The following MTMR10 variants were observed in gnomAD, a reference collection of about 807,000 sequenced individuals.
MTMR10 encodes myotubularin-related protein 10.
MTMR10 carries 56 observed loss-of-function variants against 88.1 expected under a neutral mutation model. That is an observed-to-expected ratio of 0.64 (90% confidence interval 0.51 to 0.79). The LOEUF (loss-of-function observed/expected upper bound fraction) is 0.79, where lower values mean the gene tolerates loss of function less well. MTMR10 is among the 30% of genes least tolerant of loss of function. MTMR10 has a pLI of 0.00. For synonymous variants in MTMR10, 380 were observed against 340.9 expected (o/e 1.11, Z -1.26); for missense variants, 883 against 924.7 (o/e 0.95, Z 0.58).
chr15:30,938,900 A>G (rs894770897), downstream of MTMR10: 4 of 984,540 alleles, frequency 4.1e-6, no homozygotes, highest in South Asian at 1.4e-4. Flanking sequence ...TCTTCTATCA[A>G]TCACTGTGTT....
intron 10 of MTMR10, 128 bp downstream of exon 10, chr15:30,954,635 G>T: frequency 1.0e-6 from 1 of 969,524 alleles, no homozygotes; most frequent in Non-Finnish European, 1.4e-6. Context: ...TATATAATTT[G>T]TACAAATAGT....
the MTMR10 span, chr15:30,922,130 G>A: frequency 7.2e-7 from 1 of 1,385,264 alleles, no homozygotes; most frequent in African/African-American, 1.5e-5. Flanking sequence ...AGAATGGAAA[G>A]ATACGCATTA....
chr15:30,926,679 G>C, the MTMR10 span: 1 of 985,424 alleles, frequency 1.0e-6, no homozygotes, highest in Non-Finnish European at 1.2e-6. Context: ...GCCTGAAATG[G>C]TTAGAAATAG....
intron 2 of MTMR10, among the ~76,000 whole-genome samples, chr15:30,979,386 C>T (rs926364744): frequency 1.3e-4 from 20 of 148,226 alleles, no homozygotes; most frequent in African/African-American, 4.7e-4. Context: ...ATGGTGAAAC[C>T]CATCTCTATT....
chr15:30,987,968 A>C (rs771990369), intron 2 of MTMR10, among the ~76,000 whole-genome samples: 1 of 150,092 alleles, frequency 6.7e-6, no homozygotes, highest in Non-Finnish European at 1.5e-5. Flanking sequence ...GCCACAGGTG[A>C]TGTGGCCAGG....
In MTMR10 at chr15:30,940,218, A is replaced by C. The variant is rs2062993532; in HGVS notation, c.*1252T>G. ...TGGTGCCCCGTTTCACTGCTGTAAGAAGCTTCAGCTTTGACCGCTACAGTG... is the reference window on the plus strand; with the variant it reads ...TGGTGCCCCGTTTCACTGCTGTAAGCAGCTTCAGCTTTGACCGCTACAGTG... On this transcript the variant is annotated 3_prime_UTR_variant, in exon 16 of 16. Transcript: ENST00000435680. 2 of 985,276 alleles carry C rather than the reference A, an allele frequency of 2.0e-6. No individual in the cohort carries two copies. Among genetic ancestry groups the C allele is most frequent in the Non-Finnish European group, 2.4e-6 (2 of 829,878 alleles). The allele number at this position is 985,276 out of a possible 1,614,324, so 61.0% of individuals were successfully genotyped here.
chr15:30,920,338 C>T, the MTMR10 span, among the ~76,000 whole-genome samples: 7,430 of 152,270 alleles, frequency 0.049, 305 homozygotes, highest in Admixed American at 0.13. Flanking sequence ...GATGAGTTCT[C>T]ATCTTACTCC....
At chr15:30,962,184 G>A (rs552786773) in intron 6 of MTMR10, among the ~76,000 whole-genome samples, 1 of 152,210 alleles carries the variant, frequency 6.6e-6, no homozygotes, top group Non-Finnish European at 1.5e-5. Flanking sequence ...TGCTCTGAGA[G>A]AGAAGTAATG....
At chr15:30,922,504 C>G in the MTMR10 span, 50 of 826,930 alleles carry the variant, frequency 6.0e-5, no homozygotes, top group African/African-American at 7.6e-4. Flanking sequence ...CTTCCAACCC[C>G]AAAAGAATAC....
chr15:30,961,050 A>C lies in MTMR10; in HGVS notation c.589T>G (p.Ser197Ala). 6.4e-7 allele frequency: 1 copy of C among 1,550,696 alleles called. No homozygotes were observed. Among genetic ancestry groups the C allele is most frequent in the South Asian group, 1.2e-5 (1 of 84,018 alleles). Residue 197 changes from serine (S) to alanine (A), a missense_variant, in exon 7 of 16, where the codon TCA (serine) becomes GCA (alanine). By Grantham distance (99) the Ser-to-Ala change is moderately conservative (BLOSUM62 1). This residue lies in a region of MTMR10 where 414 missense variants were observed against 423.2 expected (regional missense o/e 0.98). Transcript: ENST00000435680. The part of the protein sequence containing the change: ...NSANKINGIP[S>A]GDGGGGGGGG... Reference sequence around the variant, plus strand: ...CCTCCTCCTCCTCCTCCATCTCCTGAGGGAATTCCATTAATTTTGTTTGCT... The same window carrying C: ...CCTCCTCCTCCTCCTCCATCTCCTGCGGGAATTCCATTAATTTTGTTTGCT...
downstream of MTMR10, among the ~76,000 whole-genome samples, chr15:30,937,446 AC>A (rs2062888944): frequency 2.2e-5 from 3 of 135,520 alleles, no homozygotes; most frequent in Non-Finnish European, 1.5e-5. Context: ...TGGGTAATAA[AC>A]TTTTTTTTTT....
chr15:30,964,731 C>T (rs749747688), intron 6 of MTMR10, among the ~76,000 whole-genome samples: 47 of 152,290 alleles, frequency 3.1e-4, no homozygotes, highest in Non-Finnish European at 6.0e-4. Flanking sequence ...CTCCGCTGAC[C>T]GCTACCTGAC....
chr15:30,950,538 T>C (rs2063229756), intron 12 of MTMR10, among the ~76,000 whole-genome samples: 1 of 151,928 alleles, frequency 6.6e-6, no homozygotes, highest in South Asian at 2.1e-4. Flanking sequence ...GGCGTGGTGG[T>C]GCATGCTTGT....
rs201545419 is a variant in MTMR10, at chr15:30,958,886, C to A, written c.912G>T (p.Leu304=). 2 of 1,613,734 alleles carry A rather than the reference C, an allele frequency of 1.2e-6. No individual in the cohort carries two copies. The highest frequency in any genetic ancestry group is 1.3e-5 in the African/African-American group (1 of 74,896). Residue 304 remains leucine, a synonymous_variant, in exon 9 of 16, where the codon CTG becomes CTT. Coordinates refer to ENST00000435680, the MANE Select transcript of MTMR10 (RefSeq NM_017762.3). ...LVRMALIKDV[L]QQRKIDQRIC... ...ACCTCTGGTCAATCTTCCTCTGCTG[C>A]AGCACGTCTTTGATGAGGGCCATTC...
rs376515543 is a variant in MTMR10 at position 30,960,735 on chromosome 15, TTAAAA to T, written c.758+141_758+145del. 3.0e-5 allele frequency: 35 copies of T among 1,160,080 alleles called. 2 individuals carry two copies. Among genetic ancestry groups the T allele is most frequent in the Middle Eastern group, 3.2e-4 (1 of 3,130 alleles). The allele number at this position is 1,160,080 out of a possible 1,614,324, so 71.9% of individuals were successfully genotyped here. Reference sequence around the variant, plus strand: ...AATTTATATTAATAAGCCTTGATCTTTAAAATAAAATATTTATTAAAACATTATTA... The same window carrying T: ...AATTTATATTAATAAGCCTTGATCTTTAAAATATTTATTAAAACATTATTA... On this transcript the variant is annotated intron_variant, in intron 7 of 15. Coordinates refer to ENST00000435680, the MANE Select transcript of MTMR10 (RefSeq NM_017762.3).
At position 30,960,965 on chromosome 15, in the gene MTMR10, G is replaced by A. The variant is rs760314730; in HGVS notation, c.674C>T (p.Ser225Leu). 16 of 1,607,368 alleles carry A rather than the reference G, an allele frequency of 1.0e-5. No individual in the cohort carries two copies. The East Asian group carries it at 2.2e-4, about 22-fold the overall frequency. The part of the protein sequence containing the change: ...SQKTPLFETY[S>L]DWDREIKRTG... ...CCTCTTGATTTCTCTGTCCCAATCCGAGTAAGTTTCAAAGAGTGGAGTTTT... is the reference window on the plus strand; with the variant it reads ...CCTCTTGATTTCTCTGTCCCAATCCAAGTAAGTTTCAAAGAGTGGAGTTTT... The change falls in exon 7 of 16, where the codon TCG (serine) becomes TTG (leucine). Residue 225 changes from serine to leucine, a missense_variant. Ser to Leu is a moderately radical substitution (Grantham distance 145, BLOSUM62 -2). Coordinates refer to ENST00000435680, the MANE Select transcript of MTMR10 (RefSeq NM_017762.3).
At position 30,940,910 on chromosome 15, in the gene MTMR10, C is replaced by A. The variant is rs149134318; in HGVS notation, c.*560G>T. The A allele has an allele frequency of 3.9e-6, 4 of 1,032,462 alleles. No individual in the cohort carries two copies. Among genetic ancestry groups the A allele is most frequent in the East Asian group, 1.9e-4 (2 of 10,430 alleles). 64.0% of individuals were successfully genotyped at this position (1,032,462 alleles called of 1,614,324 possible). On this transcript the variant is annotated 3_prime_UTR_variant, in exon 16 of 16. Transcript: ENST00000435680. ...TTGACCCTATGAAGTTAAAAGCAAA[C>A]TCATGATTTCAAAACACAGTGATCT...
chr15:30,928,732 G>A, the MTMR10 span: 1 of 1,599,396 alleles, frequency 6.3e-7, no homozygotes, highest in South Asian at 1.1e-5. Context: ...GGCACCGTGT[G>A]TCCACAGCCA....
the MTMR10 span, chr15:30,920,545 A>G: frequency 6.3e-7 from 1 of 1,599,890 alleles, no homozygotes; most frequent in East Asian, 2.2e-5. Context: ...TTCATTTTAG[A>G]TGCCACGAAG....
Sources: gnomAD v4.1 joint callset for allele counts (sites outside exome capture counted in the v4.1 genomes callset) on GRCh38, gnomAD v4.1.1 for gene constraint, gnomAD v4.1.1 regional missense constraint, MANE v1.5 for transcripts, NCBI Gene and HGNC (gene_info 2026-07-23, HGNC 2026-07-21) for gene names.